The following TACC2 variants were observed in gnomAD, a reference collection of about 807,000 sequenced individuals.
TACC2 encodes transforming acidic coiled-coil containing protein 2, also known as transforming acidic coiled-coil-containing protein 2.
A neutral mutation model predicts 227.3 loss-of-function variants in TACC2; 137 were observed. That is an observed-to-expected ratio of 0.60 (90% CI 0.52 to 0.69). The LOEUF (loss-of-function observed/expected upper bound fraction) is 0.69, where lower values mean the gene tolerates loss of function less well. Among genes scored for constraint, TACC2 ranks in the 30% least tolerant of loss-of-function variants. TACC2 has a pLI of 0.00. For synonymous variants in TACC2, 1,523 were observed against 1,487.5 expected, an observed-to-expected ratio of 1.02 and a Z score of -0.55; for missense variants, 3,470 against 3,694.4, an observed-to-expected ratio of 0.94 and a Z score of 1.57.
At chr10:122,039,893 A>G (rs561240987) in intron 2 of TACC2, among the ~76,000 whole-genome samples, 1 of 152,302 alleles carries the variant, frequency 6.6e-6, no homozygotes, top group East Asian at 1.9e-4. Flanking sequence ...AGCCATCGAC[A>G]GAGGAAAATT....
At chr10:122,161,871 C>T (rs576427528) in intron 7 of TACC2, among the ~76,000 whole-genome samples, 9 of 152,344 alleles carry the variant, frequency 5.9e-5, no homozygotes, top group African/African-American at 1.9e-4. Context: ...ACGTGGTAAG[C>T]TTCTTTGGGC....
intron 5 of TACC2, among the ~76,000 whole-genome samples, chr10:122,105,079 G>A (rs1221428365): frequency 6.6e-6 from 1 of 152,230 alleles, no homozygotes; most frequent in Non-Finnish European, 1.5e-5. Flanking sequence ...TGTCTGGCAT[G>A]CATGGGTGCC....
At chr10:122,120,764 T>C (rs1226102669) in intron 5 of TACC2, among the ~76,000 whole-genome samples, 2 of 151,970 alleles carry the variant, frequency 1.3e-5, no homozygotes, top group Non-Finnish European at 2.9e-5. Context: ...TCTTTCTTTC[T>C]TTCTTTTTTT....
At chr10:122,053,656 A>G (rs1485738201) in intron 3 of TACC2, among the ~76,000 whole-genome samples, 6 of 152,120 alleles carry the variant, frequency 3.9e-5, no homozygotes, top group Non-Finnish European at 8.8e-5. Context: ...CGCTTCCTCG[A>G]GCACCCTCCC....
chr10:122,095,229 A>G lies in TACC2; in HGVS notation c.5573+6638A>G, dbSNP rs543436941. Among the ~76,000 whole-genome samples the G allele has an allele frequency of 3.9e-5, 6 of 152,270 alleles. No individual in the cohort carries two copies. The South Asian group carries it at 1.0e-3, about 26-fold the overall frequency. On this transcript the variant is annotated intron_variant, in intron 5 of 22. Transcript: ENST00000369005. Reference sequence around the variant, plus strand: ...TGCCAGCCACCCCAATTCTGCTTCTAGGCTTTTGAGAAAAGACCATATGAT... The same window carrying G: ...TGCCAGCCACCCCAATTCTGCTTCTGGGCTTTTGAGAAAAGACCATATGAT...
intron 7 of TACC2, among the ~76,000 whole-genome samples, chr10:122,152,482 C>A (rs2092138995): frequency 6.6e-6 from 1 of 152,212 alleles, no homozygotes; most frequent in Non-Finnish European, 1.5e-5. Flanking sequence ...ATGTACTAAC[C>A]CCATATGTGT....
chr10:122,020,904 T>A (rs544130112), intron 1 of TACC2, among the ~76,000 whole-genome samples: 1 of 152,200 alleles, frequency 6.6e-6, no homozygotes, highest in Non-Finnish European at 1.5e-5. Context: ...ACTGGGCTTC[T>A]CTGTGAACTG....
intron 6 of TACC2, among the ~76,000 whole-genome samples, chr10:122,134,814 C>T (rs548874312): frequency 2.6e-5 from 4 of 152,314 alleles, no homozygotes; most frequent in African/African-American, 4.8e-5. Flanking sequence ...GAGAGGATGG[C>T]GCTGGACTTG....
rs1565425504 is a variant in TACC2, at chr10:122,143,719, TC to T, written c.5834+18del. 6.2e-7 allele frequency: 1 copy of T among 1,610,658 alleles called. No individual in the cohort carries two copies. Among genetic ancestry groups the T allele is most frequent in the Non-Finnish European group, 8.5e-7 (1 of 1,178,032 alleles). ...AGGACCTCAGCAGGTATTGCGCAAG[TC>T]CCCCTCCACAGCACCTGCCCCCGGA... On this transcript the variant is annotated intron_variant, in intron 7 of 22. Transcript: ENST00000369005.
At chr10:122,159,739 C>T (rs946405581) in intron 7 of TACC2, among the ~76,000 whole-genome samples, 1 of 152,206 alleles carries the variant, frequency 6.6e-6, no homozygotes, top group Admixed American at 6.5e-5. Context: ...GAGCCCTGTT[C>T]TCCATCTGTG....
At chr10:122,168,580 G>C (rs1454696735) in intron 7 of TACC2, among the ~76,000 whole-genome samples, 6 of 152,274 alleles carry the variant, frequency 3.9e-5, no homozygotes, top group Admixed American at 3.3e-4. Context: ...TATATTCCGA[G>C]GTCCTCCAGG....
At chr10:122,092,931 C>A (rs1240017375) in intron 5 of TACC2, among the ~76,000 whole-genome samples, 1 of 152,224 alleles carries the variant, frequency 6.6e-6, no homozygotes, top group Non-Finnish European at 1.5e-5. Flanking sequence ...ATTTCACCTA[C>A]GTACATATAC....
At chr10:122,240,280 T>C (rs1304123306) in intron 18 of TACC2, among the ~76,000 whole-genome samples, 1 of 152,192 alleles carries the variant, frequency 6.6e-6, no homozygotes, top group African/African-American at 2.4e-5. Flanking sequence ...TATCACAGCT[T>C]GGTGATTCTG....
intron 5 of TACC2, among the ~76,000 whole-genome samples, chr10:122,129,583 T>C (rs79846472): frequency 0.027 from 4,099 of 152,278 alleles, 185 homozygotes; most frequent in African/African-American, 0.091. Context: ...TGGTTTTCAA[T>C]GTGTGTTGCC....
At chr10:122,117,404 A>G (rs887862148) in intron 5 of TACC2, among the ~76,000 whole-genome samples, 17 of 152,030 alleles carry the variant, frequency 1.1e-4, no homozygotes, top group Admixed American at 3.9e-4. Context: ...CATGTTTCCC[A>G]GGCTGGTCTC....
rs774538172 is a variant in TACC2, at chr10:122,084,579, G to A, written c.2079G>A (p.Leu693=). Residue 693 remains leucine, a synonymous_variant, in exon 4 of 23, where the codon TTG becomes TTA. Coordinates refer to ENST00000369005, the MANE Select transcript of TACC2 (RefSeq NM_206862.4). Reference sequence around the variant, plus strand: ...GAGCCATCTGGGAGGGGTCAGGATTGCAGCCCAAATGTCCTGACACCCTTC... The same window carrying A: ...GAGCCATCTGGGAGGGGTCAGGATTACAGCCCAAATGTCCTGACACCCTTC... The part of the protein sequence containing the change: ...PEGAIWEGSG[L]QPKCPDTLQS... 7 of 1,613,832 alleles carry A rather than the reference G, an allele frequency of 4.3e-6. No homozygotes were observed. The highest frequency in any genetic ancestry group is 5.1e-6 in the Non-Finnish European group (6 of 1,180,036).
intron 2 of TACC2, among the ~76,000 whole-genome samples, chr10:122,028,726 C>A (rs1349690392): frequency 6.7e-6 from 1 of 148,694 alleles, no homozygotes; most frequent in Non-Finnish European, 1.5e-5. Flanking sequence ...TTCCTTCCTT[C>A]CTTCCTTCCC....
chr10:122,253,538 A>G (rs2096287882), intron 22 of TACC2, among the ~76,000 whole-genome samples: 1 of 151,762 alleles, frequency 6.6e-6, no homozygotes, highest in Admixed American at 6.6e-5. Flanking sequence ...GAGCAATGCC[A>G]GTGATCCCAT....
intron 6 of TACC2, among the ~76,000 whole-genome samples, chr10:122,137,854 G>T (rs2089957994): frequency 6.6e-6 from 1 of 152,144 alleles, no homozygotes; most frequent in Non-Finnish European, 1.5e-5. Flanking sequence ...GAACAGGTTT[G>T]AGCAGCTCAT....
Sources: allele counts gnomAD v4.1 joint callset (sites outside exome capture counted in the v4.1 genomes callset), GRCh38; gene constraint gnomAD v4.1.1; transcripts MANE v1.5; gene names NCBI Gene and HGNC (gene_info 2026-07-23, HGNC 2026-07-21).